Variants in PDGFD observed in about 807,000 individuals in gnomAD.
The protein encoded by PDGFD is platelet derived growth factor D.
Under a neutral mutation model 44.7 loss-of-function variants are expected in PDGFD, and 30 were observed. That is an observed-to-expected ratio of 0.67 (90% confidence interval 0.50 to 0.91). PDGFD has a LOEUF of 0.91. Among genes scored for constraint, PDGFD ranks in the 40% least tolerant of loss-of-function variants. PDGFD has a pLI of 0.00. For missense variants in PDGFD, 445 were observed against 457.8 expected, an observed-to-expected ratio of 0.97 and a Z score of 0.25; for synonymous variants, 173 against 168.4, an observed-to-expected ratio of 1.03 and a Z score of -0.21.
intron 6 of PDGFD, among the ~76,000 whole-genome samples, chr11:103,923,202 T>C (rs1032647102): frequency 3.9e-5 from 6 of 152,074 alleles, no homozygotes; most frequent in African/African-American, 1.2e-4. Flanking sequence ...TCCTACTCTA[T>C]ATCTAGTATA....
At chr11:104,130,374 G>A (rs1861904225) in intron 1 of PDGFD, among the ~76,000 whole-genome samples, 1 of 152,138 alleles carries the variant, frequency 6.6e-6, no homozygotes, top group Non-Finnish European at 1.5e-5. Context: ...GTGGTGATGT[G>A]CCTCAAAGTG....
intron 3 of PDGFD, among the ~76,000 whole-genome samples, chr11:103,954,601 C>A (rs1858809034): frequency 6.6e-6 from 1 of 152,172 alleles, no homozygotes; most frequent in African/African-American, 2.4e-5. Context: ...CAATCTTTAA[C>A]TTACTAAGGA....
At chr11:103,964,942 A>G (rs1288675882) in intron 3 of PDGFD, among the ~76,000 whole-genome samples, 1 of 151,634 alleles carries the variant, frequency 6.6e-6, no homozygotes, top group East Asian at 1.9e-4. Context: ...AAAAAGATGG[A>G]AGTAGTCCAC....
chr11:104,096,467 G>A (rs1009123806), intron 1 of PDGFD, among the ~76,000 whole-genome samples: 1 of 152,094 alleles, frequency 6.6e-6, no homozygotes, highest in Non-Finnish European at 1.5e-5. Flanking sequence ...GAAAGACAAC[G>A]AACAAATTAG....
chr11:104,045,529 C>T (rs566158207), intron 1 of PDGFD, among the ~76,000 whole-genome samples: 1 of 151,938 alleles, frequency 6.6e-6, no homozygotes, highest in South Asian at 2.1e-4. Context: ...GCATGGGATA[C>T]TCAAAATAAA....
At chr11:104,027,850 A>G (rs946162301) in intron 1 of PDGFD, among the ~76,000 whole-genome samples, 26 of 152,324 alleles carry the variant, frequency 1.7e-4, no homozygotes, top group Admixed American at 6.5e-4. Flanking sequence ...CAAAGAACAG[A>G]TCTCCTGGCC....
intron 1 of PDGFD, among the ~76,000 whole-genome samples, chr11:104,081,937 A>G (rs1861049897): frequency 6.6e-6 from 1 of 151,966 alleles, no homozygotes; most frequent in Non-Finnish European, 1.5e-5. Flanking sequence ...TAATCATCCC[A>G]TAGAAAATAC....
chr11:104,088,926 G>GT, intron 1 of PDGFD, among the ~76,000 whole-genome samples: 1 of 149,902 alleles, frequency 6.7e-6, no homozygotes, highest in African/African-American at 2.4e-5. Flanking sequence ...TGGGATGGGG[G>GT]AAAAAAAAAA....
At chr11:103,941,285 G>A (rs964501194) in intron 5 of PDGFD, among the ~76,000 whole-genome samples, 1 of 152,018 alleles carries the variant, frequency 6.6e-6, no homozygotes. Context: ...ACCATAGGAG[G>A]TGCTGGGATC....
chr11:104,105,633 G>A (rs1298147129), intron 1 of PDGFD, among the ~76,000 whole-genome samples: 1 of 151,732 alleles, frequency 6.6e-6, no homozygotes, highest in Non-Finnish European at 1.5e-5. Context: ...TCTCGGTGTG[G>A]AGTTAGTAAT....
chr11:104,116,571 G>A (rs1284558449), intron 1 of PDGFD, among the ~76,000 whole-genome samples: 2 of 151,758 alleles, frequency 1.3e-5, no homozygotes, highest in Non-Finnish European at 2.9e-5. Flanking sequence ...ACCAAGAAAG[G>A]ACATAACAAA....
At chr11:104,084,647 C>A (rs1276059627) in intron 1 of PDGFD, among the ~76,000 whole-genome samples, 3 of 144,086 alleles carry the variant, frequency 2.1e-5, no homozygotes, top group South Asian at 2.2e-4. Context: ...TAATATACAA[C>A]CAAATTTTGT....
At chr11:104,132,900 G>C (rs1259134471) in intron 1 of PDGFD, among the ~76,000 whole-genome samples, 1 of 152,082 alleles carries the variant, frequency 6.6e-6, no homozygotes, top group Non-Finnish European at 1.5e-5. Flanking sequence ...TATTAGTTAG[G>C]ATAGGATAGG....
intron 1 of PDGFD, among the ~76,000 whole-genome samples, chr11:104,047,752 T>G (rs2134403839): frequency 6.6e-6 from 1 of 151,386 alleles, no homozygotes; most frequent in African/African-American, 2.4e-5. Context: ...CTTTCCATGG[T>G]TTTATGAAGG....
chr11:104,027,118 G>T (rs1286993149), intron 1 of PDGFD, among the ~76,000 whole-genome samples: 2 of 152,114 alleles, frequency 1.3e-5, no homozygotes. Flanking sequence ...GGTTAAAAAT[G>T]ACATTCAAGA....
intron 1 of PDGFD, among the ~76,000 whole-genome samples, chr11:104,130,964 TATC>T (rs1369623021): frequency 6.6e-6 from 1 of 152,222 alleles, no homozygotes; most frequent in Non-Finnish European, 1.5e-5. Flanking sequence ...AATATTTGCT[TATC>T]ATTTTGAATT....
intron 1 of PDGFD, among the ~76,000 whole-genome samples, chr11:104,064,620 T>C (rs149845953): frequency 8.6e-5 from 13 of 151,768 alleles, no homozygotes; most frequent in African/African-American, 3.1e-4. Flanking sequence ...AAAAAAATAA[T>C]AAAAGAGAAG....
chr11:103,975,053 C>A (rs1432873912), intron 3 of PDGFD, among the ~76,000 whole-genome samples: 1 of 152,144 alleles, frequency 6.6e-6, no homozygotes, highest in Admixed American at 6.5e-5. Context: ...TGGTTCTAGA[C>A]CCTTGAGGAA....
intron 1 of PDGFD, among the ~76,000 whole-genome samples, chr11:104,104,580 CT>C (rs1861445603): frequency 6.6e-6 from 1 of 152,086 alleles, no homozygotes; most frequent in Non-Finnish European, 1.5e-5. Context: ...GAATAACATG[CT>C]GTACAGGTTT....
Sources: gnomAD v4.1 joint callset for allele counts (sites outside exome capture counted in the v4.1 genomes callset) on GRCh38, gnomAD v4.1.1 for gene constraint, MANE v1.5 for transcripts, NCBI Gene and HGNC (gene_info 2026-07-23, HGNC 2026-07-21) for gene names.